Variants in KIFC3 observed in about 807,000 individuals in gnomAD.
KIFC3 encodes kinesin-like protein KIFC3.
Under a neutral mutation model 101.8 loss-of-function variants are expected in KIFC3, and 60 were observed. The ratio of observed to expected loss-of-function variants is 0.59; its 90% CI spans 0.48 to 0.73. The LOEUF is 0.73. Among genes scored for constraint, KIFC3 ranks in the 30% least tolerant of loss-of-function variants. The probability of loss-of-function intolerance (pLI) is 0.00; values close to 1 mark genes in which losing one functional copy is unlikely to be tolerated. For synonymous variants in KIFC3, 476 were observed against 482.7 expected (o/e 0.99, Z 0.18); for missense variants, 966 against 1,137.1 (o/e 0.85, Z 2.16).
Position 57,765,468 on chromosome 16 carries a change from C to T in KIFC3, c.1503G>A (p.Ser501=), listed in dbSNP as rs140283103. The T allele has an allele frequency of 9.4e-5, 148 of 1,579,612 alleles. No homozygotes were observed. The African/African-American group carries it at 1.4e-3, about 14-fold the overall frequency. Residue 501 remains serine, a synonymous_variant, in exon 11 of 20, where the codon TCG becomes TCA. Transcript: ENST00000445690. The part of the protein sequence containing the change: ...ELDKVFSPQA[S]QQDVFQEVQA... The stretch of plus-strand genomic sequence containing the variant: ...ATGGGGCCACACTCACGTCCTGCTG[C>T]GAGGCCTGTGGGGAGAAGACCTTGT...
rs972611141 is a variant in KIFC3, at chr16:57,760,422, G to A, written c.2233-6C>T. On this transcript the variant is annotated splice_region_variant and splice_polypyrimidine_tract_variant and intron_variant, in intron 16 of 19. Transcript: ENST00000445690. ...TTCTTCTCCACGGGGGACACCTAGG[G>A]GACACGAGAGCTCACTGCCCACCCG... The A allele has an allele frequency of 1.2e-6, 2 of 1,612,110 alleles. No homozygotes were observed. The highest frequency in any genetic ancestry group is 1.7e-6 in the Non-Finnish European group (2 of 1,178,880).
intron 3 of KIFC3, among the ~76,000 whole-genome samples, chr16:57,792,445 A>G (rs1441184240): frequency 6.6e-6 from 1 of 152,236 alleles, no homozygotes; most frequent in Admixed American, 6.5e-5. Context: ...AAATGGGCAG[A>G]GCTTGTACTG....
intron 1 of KIFC3, among the ~76,000 whole-genome samples, chr16:57,851,689 C>A (rs2056063630): frequency 6.6e-6 from 1 of 152,036 alleles, no homozygotes; most frequent in African/African-American, 2.4e-5. Flanking sequence ...GCCTCAGCCT[C>A]CTGAGTAGCT....
At chr16:57,774,471 G>A (rs1226837472) in intron 3 of KIFC3, among the ~76,000 whole-genome samples, 1 of 151,992 alleles carries the variant, frequency 6.6e-6, no homozygotes, top group African/African-American at 2.4e-5. Flanking sequence ...TAAAAAGTGG[G>A]GGTCTCTGGG....
chr16:57,826,766 T>C (rs1266613944), intron 1 of KIFC3, among the ~76,000 whole-genome samples: 4 of 152,222 alleles, frequency 2.6e-5, no homozygotes, highest in African/African-American at 9.6e-5. Flanking sequence ...TTTGTTCTGC[T>C]GAGACACACA....
rs1555608600 is a variant in KIFC3 at position 57,771,659 on chromosome 16, C to T, written c.409G>A (p.Asp137Asn). 2 of 1,612,826 alleles carry T rather than the reference C, an allele frequency of 1.2e-6. No homozygotes were observed. Among genetic ancestry groups the T allele is most frequent in the African/African-American group, 2.7e-5 (2 of 75,052 alleles). ...LGGTDLEKHR[D>N]LLMVENERLR... ...CGCTCATTCTCCACCATCAGCAGGTCCCGGTGCTTCTCCAAGTCGGTGCCC... is the reference window on the plus strand; with the variant it reads ...CGCTCATTCTCCACCATCAGCAGGTTCCGGTGCTTCTCCAAGTCGGTGCCC... The change falls in exon 5 of 20, where the codon GAC (aspartate) becomes AAC (asparagine). Residue 137 changes from aspartate (D) to asparagine (N), a missense_variant. By Grantham distance (23) the Asp-to-Asn change is conservative (BLOSUM62 1). Coordinates refer to ENST00000445690, the MANE Select transcript of KIFC3 (RefSeq NM_001130100.2).
chr16:57,830,236 C>CTTTTTT (rs34842791), intron 1 of KIFC3, among the ~76,000 whole-genome samples: 24 of 119,304 alleles, frequency 2.0e-4, no homozygotes, highest in Non-Finnish European at 2.6e-4. Flanking sequence ...TTTTTTCTTT[C>CTTTTTT]TTTTTTTTTT....
chr16:57,762,719 G>A (rs1555599145), intron 12 of KIFC3, among the ~76,000 whole-genome samples: 1 of 152,142 alleles, frequency 6.6e-6, no homozygotes, highest in East Asian at 1.9e-4. Flanking sequence ...TCCTGGGGAA[G>A]GACGGGTGGG....
In KIFC3 at chr16:57,769,208, G is replaced by A. The variant is rs575848414; in HGVS notation, c.1218+387C>T. 5.9e-5 allele frequency among the ~76,000 whole-genome samples: 9 copies of A among 152,080 alleles called. No individual in the cohort carries two copies. The highest frequency in any genetic ancestry group is 1.9e-4 in the African/African-American group (8 of 41,514). On this transcript the variant is annotated intron_variant, in intron 9 of 19. Coordinates refer to ENST00000445690, the MANE Select transcript of KIFC3 (RefSeq NM_001130100.2). The surrounding 1 kb of genome is among the most constrained non-coding windows in gnomAD (Gnocchi z 4.3). ...TGCCACCCATGCCCAGCTAATTTTTGTAATTTTAGTAGAGACGAAGTTTCG... is the reference window on the plus strand; with the variant it reads ...TGCCACCCATGCCCAGCTAATTTTTATAATTTTAGTAGAGACGAAGTTTCG...
intron 3 of KIFC3, chr16:57,776,669 A>G (rs1458897685): frequency 6.6e-6 from 1 of 152,650 alleles, no homozygotes; most frequent in East Asian, 1.9e-4. Flanking sequence ...TGCCTGGTAC[A>G]CAGTAGGTGT....
chr16:57,794,863 G>A (rs1440816374), intron 3 of KIFC3, 136 bp downstream of exon 3: 6 of 706,190 alleles, frequency 8.5e-6, no homozygotes, highest in Non-Finnish European at 1.3e-5. Flanking sequence ...GGGGTCATGA[G>A]GGGCCCAACA....
intron 3 of KIFC3, among the ~76,000 whole-genome samples, chr16:57,787,476 G>T (rs962512699): frequency 1.3e-5 from 2 of 152,250 alleles, no homozygotes; most frequent in Non-Finnish European, 2.9e-5. Flanking sequence ...CAGTGGGAAG[G>T]GGGCCAGGAG....
rs1346033858 is a variant in KIFC3, at chr16:57,798,258, C to T, written c.-15G>A. 6.4e-7 allele frequency: 1 copy of T among 1,551,614 alleles called. No homozygotes were observed. The highest frequency in any genetic ancestry group is 8.7e-7 in the Non-Finnish European group (1 of 1,148,494). On this transcript the variant is annotated 5_prime_UTR_variant, in exon 2 of 20. Transcript: ENST00000445690. The stretch of plus-strand genomic sequence containing the variant: ...GAGGGGACCATGGCCTGGGGCTCAG[C>T]AGCCTCCTCGGGGCACCAGGCAGCC...
rs144954827 is a variant in KIFC3 at position 57,860,672 on chromosome 16, CT to C, written c.108+2056del. 4.8e-3 allele frequency among the ~76,000 whole-genome samples: 729 copies of C among 152,132 alleles called. 21 individuals are homozygous for C. The highest frequency in any genetic ancestry group is 0.037 in the South Asian group (176 of 4,814). Reference sequence around the variant, plus strand: ...AGAGACTATTACGGAGTAGGGCTTCCTCAGAAAGCAAGAGGAGGAATGCCCC... The same window carrying C: ...AGAGACTATTACGGAGTAGGGCTTCCCAGAAAGCAAGAGGAGGAATGCCCC... On this transcript the variant is annotated intron_variant, in intron 1 of 2. Coordinates refer to the KIFC3 transcript ENST00000563028.
rs1045586068 is a variant in KIFC3 at position 57,770,044 on chromosome 16, A to G, written c.940-89T>C. 1.3e-5 allele frequency: 19 copies of G among 1,479,704 alleles called. No individual in the cohort carries two copies. The African/African-American group carries it at 1.8e-4, about 14-fold the overall frequency. 91.7% of individuals were successfully genotyped at this position (1,479,704 alleles called of 1,614,324 possible). ...CCGAGAAAGAAACTGGTCACCTCCC[A>G]TGCACATGAACACACATGCACACAC... is the stretch of plus-strand genomic sequence containing the variant. On this transcript the variant is annotated intron_variant, in intron 7 of 19. Transcript: ENST00000445690.
intron 1 of KIFC3, among the ~76,000 whole-genome samples, chr16:57,859,309 C>A (rs2056244362): frequency 6.6e-6 from 1 of 152,180 alleles, no homozygotes. Flanking sequence ...ACGCTAAAGA[C>A]ACACACCAAA....
Position 57,772,274 on chromosome 16 carries a change from C to CT in KIFC3, c.329dup (p.Glu111GlyfsTer5), listed in dbSNP as rs781983065. On this transcript the variant is annotated frameshift_variant, in exon 4 of 20. Transcript: ENST00000445690. LOFTEE classifies it high-confidence loss of function. ...CCTGGGCCTGGCTAATGAGCTTCTC[C>CT]TTCAGGTGTTCTACCTGTGGGCACA... The CT allele has an allele frequency of 6.2e-7, 1 of 1,613,908 alleles. No individual in the cohort carries two copies. Among genetic ancestry groups the CT allele is most frequent in the Non-Finnish European group, 8.5e-7 (1 of 1,179,866 alleles).
intron 1 of KIFC3, chr16:57,815,337 G>A (rs1029222378): frequency 1.7e-5 from 13 of 758,630 alleles, no homozygotes; most frequent in South Asian, 7.2e-5. Context: ...GAGTAGCTCC[G>A]GGTTGCTTCT....
intron 1 of KIFC3, among the ~76,000 whole-genome samples, chr16:57,838,218 G>A (rs761191272): frequency 4.6e-5 from 7 of 152,138 alleles, no homozygotes; most frequent in Admixed American, 1.3e-4. Flanking sequence ...TCGCAGCCGG[G>A]GATGGAATTA....
Sources: allele counts gnomAD v4.1 joint callset (sites outside exome capture counted in the v4.1 genomes callset), GRCh38; gene constraint gnomAD v4.1.1; non-coding constraint Gnocchi (gnomAD v3.1); transcripts MANE v1.5; gene names NCBI Gene and HGNC (gene_info 2026-07-23, HGNC 2026-07-21).